Variants in MYOF observed in about 807,000 individuals in gnomAD.
MYOF encodes fer-1-like 3, myoferlin.
MYOF carries 244 observed loss-of-function variants against 284.2 expected under a neutral mutation model. The observed-to-expected ratio is 0.86, with a 90% CI of 0.77 to 0.95. MYOF has a LOEUF of 0.95. MYOF is among the 40% of genes least tolerant of loss of function. The pLI, the probability that MYOF is intolerant of heterozygous loss-of-function variation, is 0.00. For synonymous variants in MYOF, 904 were observed against 919.7 expected (o/e 0.98, Z 0.31); for missense variants, 2,496 against 2,560.6 (o/e 0.97, Z 0.54).
chr10:93,452,659 C>G (rs1482165769), intron 2 of MYOF, among the ~76,000 whole-genome samples: 1 of 151,718 alleles, frequency 6.6e-6, no homozygotes, highest in Non-Finnish European at 1.5e-5. Flanking sequence ...ACATATGTAA[C>G]AAACCTGCAC....
intron 7 of MYOF, among the ~76,000 whole-genome samples, chr10:93,407,695 G>A (rs895718686): frequency 1.5e-5 from 2 of 137,926 alleles, no homozygotes; most frequent in East Asian, 2.2e-4. Context: ...CCAACATCAC[G>A]CCACTGCACT....
intron 51 of MYOF, among the ~76,000 whole-genome samples, chr10:93,312,400 C>G (rs781479549): frequency 1.3e-5 from 2 of 151,976 alleles, no homozygotes; most frequent in Non-Finnish European, 2.9e-5. Flanking sequence ...GGCTGGAGTA[C>G]AGTGGCACGA....
intron 1 of MYOF, among the ~76,000 whole-genome samples, chr10:93,479,708 A>C (rs2057347505): frequency 6.6e-6 from 1 of 152,202 alleles, no homozygotes; most frequent in Non-Finnish European, 1.5e-5. Context: ...ATATTGAGTT[A>C]ATGTCAGCTG....
chr10:93,406,227 A>T (rs1199035622), intron 7 of MYOF, among the ~76,000 whole-genome samples: 2 of 142,094 alleles, frequency 1.4e-5, no homozygotes, highest in African/African-American at 2.5e-5. Flanking sequence ...CCAAAGTGCC[A>T]GTATTACAGG....
intron 10 of MYOF, among the ~76,000 whole-genome samples, chr10:93,402,582 T>C (rs1217754193): frequency 6.6e-6 from 1 of 152,110 alleles, no homozygotes; most frequent in African/African-American, 2.4e-5. Flanking sequence ...ACCAACGAGT[T>C]TTATAATTTA....
chr10:93,468,572 G>A (rs1036925952), intron 1 of MYOF, among the ~76,000 whole-genome samples: 14 of 152,178 alleles, frequency 9.2e-5, no homozygotes, highest in Non-Finnish European at 1.5e-4. Flanking sequence ...TGCAAAGCGC[G>A]GAGTGAAAAA....
At chr10:93,363,644 A>G (rs577120566) in intron 27 of MYOF, among the ~76,000 whole-genome samples, 1 of 152,312 alleles carries the variant, frequency 6.6e-6, no homozygotes, top group East Asian at 1.9e-4. Flanking sequence ...CCAGCCTGGG[A>G]AACAGAAAGA....
chr10:93,434,844 G>A (rs1235321160), intron 3 of MYOF, among the ~76,000 whole-genome samples: 7 of 151,422 alleles, frequency 4.6e-5, no homozygotes, highest in African/African-American at 1.7e-4. Context: ...TTTTATTCCC[G>A]TGACATACTG....
At position 93,397,143 on chromosome 10, in the gene MYOF, T is replaced by TG. The variant is rs2134068441; in HGVS notation, c.1334+103dup. On this transcript the variant is annotated intron_variant, in intron 15 of 53. Coordinates refer to ENST00000359263, the MANE Select transcript of MYOF (RefSeq NM_013451.4). ...TCCAGGAGCAATTTATCCTCTCCTCTGGAAGGAAAGCAAAATACCAGAAAG... is the reference window on the plus strand; with the variant it reads ...TCCAGGAGCAATTTATCCTCTCCTCTGGGAAGGAAAGCAAAATACCAGAAAG... 3.8e-6 allele frequency: 4 copies of TG among 1,043,018 alleles called. No homozygotes were observed. The South Asian group carries it at 5.2e-5, about 13-fold the overall frequency. 64.6% of individuals were successfully genotyped at this position (1,043,018 alleles called of 1,614,324 possible). A position where few individuals can be genotyped will look rare whatever the true frequency, so the allele number is the denominator to read the frequency against.
intron 44 of MYOF, among the ~76,000 whole-genome samples, chr10:93,329,388 C>T (rs574555256): frequency 3.9e-5 from 6 of 152,310 alleles, no homozygotes; most frequent in South Asian, 4.1e-4. Context: ...GGCTCAATGA[C>T]GGGGAGCAAG....
chr10:93,366,362 T>C (rs751762113), intron 26 of MYOF, 30 bp downstream of exon 26: 2 of 1,600,584 alleles, frequency 1.2e-6, no homozygotes, highest in East Asian at 4.5e-5. Context: ...TTCATTGCTA[T>C]CCTTTTTACT....
intron 23 of MYOF, among the ~76,000 whole-genome samples, chr10:93,374,453 A>G (rs1845744059): frequency 6.6e-6 from 1 of 152,242 alleles, no homozygotes; most frequent in South Asian, 2.1e-4. Context: ...CAAAGCTGAC[A>G]TTTTAATCCT....
chr10:93,331,772 C>T (rs115536758), intron 43 of MYOF, among the ~76,000 whole-genome samples: 3,260 of 151,970 alleles, frequency 0.021, 108 homozygotes, highest in African/African-American at 0.075. Flanking sequence ...AGAAAGAATA[C>T]GTAAGGCTAC....
At chr10:93,373,867 AT>A (rs1004962160) in intron 23 of MYOF, among the ~76,000 whole-genome samples, 36 of 150,906 alleles carry the variant, frequency 2.4e-4, no homozygotes, top group African/African-American at 8.0e-4. Flanking sequence ...TACACCTACC[AT>A]TTTTTTTTAT....
At chr10:93,417,854 T>A (rs1848196955) in intron 5 of MYOF, among the ~76,000 whole-genome samples, 1 of 152,048 alleles carries the variant, frequency 6.6e-6, no homozygotes, top group Non-Finnish European at 1.5e-5. Flanking sequence ...GCAGCCCCCT[T>A]TATCCAAACA....
At chr10:93,385,796 G>A (rs932020687) in intron 19 of MYOF, among the ~76,000 whole-genome samples, 2 of 148,126 alleles carry the variant, frequency 1.4e-5, no homozygotes, top group Admixed American at 1.3e-4. Flanking sequence ...ATAAAAAGCT[G>A]TTCTTTTATT....
intron 2 of MYOF, among the ~76,000 whole-genome samples, chr10:93,453,174 T>TA (rs1217220217): frequency 2.6e-4 from 6 of 22,716 alleles, no homozygotes. Context: ...ACCCAGCTAA[T>TA]TTTTTTTTTG....
chr10:93,404,102 G>A (rs1847429884), intron 8 of MYOF, 29 bp from the exon 9 acceptor site: 2 of 1,613,874 alleles, frequency 1.2e-6, no homozygotes, highest in South Asian at 1.1e-5. Context: ...GTGAAGAAAT[G>A]ATTGGCTTTG....
intron 5 of MYOF, among the ~76,000 whole-genome samples, chr10:93,412,736 A>C (rs1352118317): frequency 6.6e-6 from 1 of 152,200 alleles, no homozygotes; most frequent in African/African-American, 2.4e-5. Flanking sequence ...TGCTTGATAA[A>C]TGTGGAATGA....
Sources: gnomAD v4.1 joint callset for allele counts (sites outside exome capture counted in the v4.1 genomes callset) on GRCh38, gnomAD v4.1.1 for gene constraint, MANE v1.5 for transcripts, NCBI Gene and HGNC (gene_info 2026-07-23, HGNC 2026-07-21) for gene names.